Variants in BLTP2 observed in about 807,000 individuals in gnomAD.
The protein encoded by BLTP2 is bridge-like lipid transfer protein family member 2.
chr17:28,632,308 T>C, the BLTP2 span: 2 of 1,410,262 alleles, frequency 1.4e-6, no homozygotes, highest in Non-Finnish European at 1.9e-6. Context: ...ATCCTTCCCT[T>C]GCTGCAGGTT....
chr17:28,615,345 C>G, the BLTP2 span: 3 of 1,086,884 alleles, frequency 2.8e-6, no homozygotes, highest in Non-Finnish European at 4.0e-6. Flanking sequence ...TAAACACATC[C>G]AAGGCACAAT....
chr17:28,624,087 G>T, the BLTP2 span: 1 of 1,350,238 alleles, frequency 7.4e-7, no homozygotes, highest in Non-Finnish European at 1.0e-6. Flanking sequence ...CTGGCTTTTA[G>T]ACATAGAAGT....
At chr17:28,643,167 G>A in the BLTP2 span, 22 of 1,614,022 alleles carry the variant, frequency 1.4e-5, no homozygotes, top group African/African-American at 1.9e-4. Context: ...GTCTCACTTG[G>A]CAGAAGATCT....
chr17:28,633,666 G>A, the BLTP2 span: 1 of 1,614,144 alleles, frequency 6.2e-7, no homozygotes, highest in East Asian at 2.2e-5. Flanking sequence ...CTGAGGGCTT[G>A]GTCAAGAGGT....
At chr17:28,631,019 T>C in the BLTP2 span, among the ~76,000 whole-genome samples, 1 of 152,128 alleles carries the variant, frequency 6.6e-6, no homozygotes, top group Non-Finnish European at 1.5e-5. Context: ...TTGGAATATA[T>C]GAGAAACCTT....
the BLTP2 span, chr17:28,615,786 T>C: frequency 6.2e-7 from 1 of 1,613,924 alleles, no homozygotes; most frequent in Non-Finnish European, 8.5e-7. Flanking sequence ...CAGTCCACAC[T>C]GTTCTTCTCA....
chr17:28,643,260 C>T, the BLTP2 span: 1 of 1,614,168 alleles, frequency 6.2e-7, no homozygotes, highest in Non-Finnish European at 8.5e-7. Context: ...CAGAAACTTT[C>T]TGTAGGTCCG....
At chr17:28,639,991 G>C in the BLTP2 span, 1 of 1,613,932 alleles carries the variant, frequency 6.2e-7, no homozygotes, top group Non-Finnish European at 8.5e-7. Context: ...CGGTGGTACA[G>C]GAACTGCAGC....
chr17:28,626,246 CA>C, the BLTP2 span, among the ~76,000 whole-genome samples: 2 of 152,154 alleles, frequency 1.3e-5, no homozygotes, highest in African/African-American at 4.8e-5. Flanking sequence ...GTACAAGGAC[CA>C]AAAACTACTT....
the BLTP2 span, among the ~76,000 whole-genome samples, chr17:28,637,556 T>C: frequency 6.6e-6 from 1 of 152,240 alleles, no homozygotes; most frequent in African/African-American, 2.4e-5. Flanking sequence ...TTCAAGCATC[T>C]CGTGCCTCTA....
chr17:28,638,195 C>T, the BLTP2 span: 23 of 1,599,292 alleles, frequency 1.4e-5, no homozygotes, highest in Admixed American at 1.5e-4. Context: ...AGCGCTCTGA[C>T]GCATGACAGG....
chr17:28,632,626 T>C, the BLTP2 span, among the ~76,000 whole-genome samples: 5 of 152,170 alleles, frequency 3.3e-5, no homozygotes, highest in Non-Finnish European at 5.9e-5. Flanking sequence ...GCACCATCTA[T>C]GAGGAATGGG....
chr17:28,620,567 T>G, the BLTP2 span: 3 of 1,614,206 alleles, frequency 1.9e-6, no homozygotes, highest in Non-Finnish European at 2.5e-6. Flanking sequence ...GATCATGGCA[T>G]ACTGAGCTGG....
At chr17:28,634,549 C>T in the BLTP2 span, 27 of 1,613,788 alleles carry the variant, frequency 1.7e-5, no homozygotes, top group Non-Finnish European at 2.1e-5. Flanking sequence ...CTTGAGCATT[C>T]GACACCACTG....
At chr17:28,637,907 G>C in the BLTP2 span, 1 of 1,614,166 alleles carries the variant, frequency 6.2e-7, no homozygotes, top group Non-Finnish European at 8.5e-7. Flanking sequence ...TAATGACACA[G>C]ATTCCCCAAA....
chr17:28,615,593 G>A, the BLTP2 span: 1 of 1,558,114 alleles, frequency 6.4e-7, no homozygotes, highest in Non-Finnish European at 8.7e-7. Context: ...ATTCTAAAAT[G>A]AAAGGCTCCT....
the BLTP2 span, among the ~76,000 whole-genome samples, chr17:28,622,657 AC>A: frequency 5.2e-5 from 8 of 152,388 alleles, no homozygotes; most frequent in East Asian, 1.5e-3. Flanking sequence ...CTTAGAAGTT[AC>A]AGGGTAAAAT....
the BLTP2 span, chr17:28,634,163 A>C: frequency 8.1e-7 from 1 of 1,234,788 alleles, no homozygotes; most frequent in Non-Finnish European, 1.1e-6. Context: ...TTTCCTCACC[A>C]CTATTTTACC....
the BLTP2 span, chr17:28,615,072 G>A: frequency 5.6e-6 from 9 of 1,613,184 alleles, no homozygotes; most frequent in Non-Finnish European, 7.6e-6. Context: ...AATCATTTGC[G>A]CCTGCCAAAG....
Sources: gnomAD v4.1 joint callset for allele counts (sites outside exome capture counted in the v4.1 genomes callset) on GRCh38, gnomAD v4.1.1 for gene constraint, MANE v1.5 for transcripts, NCBI Gene and HGNC (gene_info 2026-07-23, HGNC 2026-07-21) for gene names.